Variants in PTK2 observed in about 807,000 individuals in gnomAD.
PTK2 encodes protein tyrosine kinase 2.
In PTK2, 45 loss-of-function variants were observed where a neutral mutation model predicts 150.1. That is an observed-to-expected ratio of 0.30 (90% CI 0.24 to 0.38). The LOEUF is 0.38. PTK2 is among the 10% of genes least tolerant of loss of function. PTK2 has a pLI of 1.00. For synonymous variants in PTK2, 432 were observed against 449.2 expected, an observed-to-expected ratio of 0.96 and a Z score of 0.48; for missense variants, 919 against 1,307.3, an observed-to-expected ratio of 0.70 and a Z score of 4.58.
chr8:140,782,254 T>TGG (rs11375755), intron 14 of PTK2, among the ~76,000 whole-genome samples: 2,046 of 138,050 alleles, frequency 0.015, 58 homozygotes, highest in African/African-American at 0.041. Flanking sequence ...TTTTTTTTTT[T>TGG]GGGGGGGGGG....
intron 1 of PTK2, among the ~76,000 whole-genome samples, chr8:140,939,074 TG>T (rs1391446133): frequency 6.6e-6 from 1 of 152,056 alleles, no homozygotes; most frequent in African/African-American, 2.4e-5. Context: ...AAAGTAGGGT[TG>T]GGGAAGAAAA....
At chr8:140,679,384 C>A (rs73714725) in intron 27 of PTK2, among the ~76,000 whole-genome samples, 1 of 151,990 alleles carries the variant, frequency 6.6e-6, no homozygotes, top group African/African-American at 2.4e-5. Flanking sequence ...ACTCGGGTAA[C>A]AAGAAAGTTT....
intron 1 of PTK2, among the ~76,000 whole-genome samples, chr8:140,927,969 AAAAAAAATAT>A (rs1299442054): frequency 1.1e-4 from 8 of 74,950 alleles, no homozygotes; most frequent in African/African-American, 4.2e-4. Flanking sequence ...AAAAAAAAAA[AAAAAAAATAT>A]ATATATATAT....
At chr8:140,680,785 C>A (rs1283373315) in intron 27 of PTK2, among the ~76,000 whole-genome samples, 1 of 152,152 alleles carries the variant, frequency 6.6e-6, no homozygotes, top group East Asian at 1.9e-4. Flanking sequence ...GATAATGCAA[C>A]CTTCTTGCTC....
intron 10 of PTK2, among the ~76,000 whole-genome samples, chr8:140,809,913 C>T (rs1424640291): frequency 2.6e-5 from 4 of 152,206 alleles, no homozygotes; most frequent in Non-Finnish European, 5.9e-5. Flanking sequence ...AAACAACATG[C>T]AATTCCAATT....
chr8:140,962,882 C>T (rs75184061), intron 1 of PTK2, among the ~76,000 whole-genome samples: 56 of 151,946 alleles, frequency 3.7e-4, no homozygotes, highest in East Asian at 2.9e-3. Flanking sequence ...GTCCCCCCCC[C>T]CAACCCAACC....
At chr8:140,955,240 T>C (rs970203564) in intron 1 of PTK2, among the ~76,000 whole-genome samples, 4 of 152,342 alleles carry the variant, frequency 2.6e-5, no homozygotes, top group African/African-American at 7.2e-5. Context: ...GGGAGGGACC[T>C]GCTGGGAGGT....
intron 22 of PTK2, among the ~76,000 whole-genome samples, chr8:140,729,346 G>C (rs1054203946): frequency 6.6e-6 from 1 of 152,204 alleles, no homozygotes; most frequent in Non-Finnish European, 1.5e-5. Context: ...GGATGACACC[G>C]TGTCATGGCT....
intron 5 of PTK2, among the ~76,000 whole-genome samples, chr8:140,853,297 T>C (rs575798255): frequency 1.0e-3 from 154 of 151,520 alleles, no homozygotes; most frequent in Non-Finnish European, 1.6e-3. Context: ...CCCATTAACT[T>C]GTCATTTACA....
intron 4 of PTK2, among the ~76,000 whole-genome samples, chr8:140,874,475 AT>A (rs1289660221): frequency 2.0e-5 from 3 of 152,182 alleles, no homozygotes; most frequent in Non-Finnish European, 4.4e-5. Flanking sequence ...ATGAACTTAG[AT>A]GTCTGCAGGT....
chr8:140,901,277 G>C (rs959329961), intron 2 of PTK2, among the ~76,000 whole-genome samples: 1 of 151,970 alleles, frequency 6.6e-6, no homozygotes, highest in African/African-American at 2.4e-5. Context: ...AATCCACATG[G>C]AATTAAAGAC....
intron 1 of PTK2, among the ~76,000 whole-genome samples, chr8:140,951,932 A>G (rs1269408140): frequency 6.6e-6 from 1 of 151,700 alleles, no homozygotes; most frequent in African/African-American, 2.4e-5. Context: ...AGTTCCAATG[A>G]GCCAATGAGA....
intron 22 of PTK2, among the ~76,000 whole-genome samples, chr8:140,726,788 A>G (rs1192380488): frequency 2.0e-5 from 3 of 152,232 alleles, no homozygotes; most frequent in African/African-American, 7.2e-5. Context: ...TAAGCTCTTC[A>G]AGAAGAATGG....
intron 20 of PTK2, among the ~76,000 whole-genome samples, chr8:140,741,381 GGAGGTGGA>G: frequency 6.6e-6 from 1 of 151,836 alleles, no homozygotes; most frequent in Non-Finnish European, 1.5e-5. Flanking sequence ...CGTGAACTTG[GGAGGTGGA>G]GCTTGCAGTG....
intron 16 of PTK2, among the ~76,000 whole-genome samples, chr8:140,758,630 GAA>G (rs1456835028): frequency 1.3e-5 from 2 of 151,770 alleles, no homozygotes; most frequent in South Asian, 2.1e-4. Context: ...TCTTAGTTAA[GAA>G]AAAAGTTTAA....
At chr8:140,958,973 T>C (rs2100182150) in intron 1 of PTK2, among the ~76,000 whole-genome samples, 1 of 152,318 alleles carries the variant, frequency 6.6e-6, no homozygotes, top group South Asian at 2.1e-4. Flanking sequence ...GCACCATTTA[T>C]TGAAAAAGTG....
chr8:140,853,665 G>A lies in PTK2; in HGVS notation c.451-6987C>T, dbSNP rs1235265202. On this transcript the variant is annotated intron_variant, in intron 5 of 31. Coordinates refer to ENST00000522684, the Ensembl canonical transcript of PTK2. The stretch of plus-strand genomic sequence containing the variant: ...ACAGTAAACACACGTGTGCATGAGT[G>A]TCACACCCTTTATTAACCATGAGTG... Among the ~76,000 whole-genome samples the A allele has an allele frequency of 2.0e-5, 3 of 152,040 alleles. No individual in the cohort carries two copies. The East Asian group carries it at 5.8e-4, about 29-fold the overall frequency.
At chr8:140,699,997 G>A (rs947781312) in intron 26 of PTK2, among the ~76,000 whole-genome samples, 4 of 152,030 alleles carry the variant, frequency 2.6e-5, no homozygotes, top group Admixed American at 2.6e-4. Context: ...AACTAATATG[G>A]TAGTAAAACC....
chr8:140,827,631 A>G (rs1203385604), intron 8 of PTK2, among the ~76,000 whole-genome samples: 2 of 152,204 alleles, frequency 1.3e-5, no homozygotes, highest in Non-Finnish European at 2.9e-5. Flanking sequence ...CTAAAGTCTT[A>G]TCCTGTCTTC....
Sources: gnomAD v4.1 joint callset for allele counts (sites outside exome capture counted in the v4.1 genomes callset) on GRCh38, gnomAD v4.1.1 for gene constraint, MANE v1.5 for transcripts, NCBI Gene and HGNC (gene_info 2026-07-23, HGNC 2026-07-21) for gene names.